C14orf39: variants seen among roughly 807,000 people sequenced by gnomAD.
The protein encoded by C14orf39 is protein SIX6OS1.
C14orf39 carries 66 observed loss-of-function variants against 85.6 expected under a neutral mutation model. The observed-to-expected ratio is 0.77, with a 90% confidence interval of 0.63 to 0.95. The LOEUF is 0.95. C14orf39 is among the 40% of genes least tolerant of loss of function. C14orf39 has a pLI of 0.00. For missense variants in C14orf39, 735 were observed against 663.9 expected (o/e 1.11, Z -1.18); for synonymous variants, 242 against 214.0 (o/e 1.13, Z -1.14).
At position 60,500,305 on chromosome 14, in the gene C14orf39, G is replaced by T. The variant is rs557276954; in HGVS notation, c.-143-875C>A. The stretch of plus-strand genomic sequence containing the variant: ...GCCTCCCAAAGTGCTGGGATTACAG[G>T]TGTCAGCCACCACGCCTGGCTGGGA... On this transcript the variant is annotated intron_variant, in intron 1 of 5. Coordinates refer to the C14orf39 transcript ENST00000556799. Among the ~76,000 whole-genome samples, 4 of 152,350 alleles carry T rather than the reference G, an allele frequency of 2.6e-5. No individual in the cohort carries two copies. The South Asian group carries it at 6.2e-4, about 24-fold the overall frequency.
chr14:60,472,289 T>G (rs1456121953), intron 5 of C14orf39, among the ~76,000 whole-genome samples: 1 of 152,102 alleles, frequency 6.6e-6, no homozygotes, highest in African/African-American at 2.4e-5. Flanking sequence ...TGAAGAAAAT[T>G]TTATCACAGT....
At chr14:60,496,241 G>A in intron 2 of C14orf39, 1 of 404,480 alleles carries the variant, frequency 2.5e-6, no homozygotes, top group African/African-American at 2.0e-5. Context: ...TGGATCTGCT[G>A]TAGCTGCTGC....
At position 60,452,461 on chromosome 14, in the gene C14orf39, GAGAT is replaced by G. The variant is rs374457305; in HGVS notation, c.1503+2536_1503+2539del. Among the ~76,000 whole-genome samples the G allele has an allele frequency of 9.9e-4, 150 of 151,994 alleles. 1 individual carries two copies. The highest frequency in any genetic ancestry group is 3.4e-3 in the African/African-American group (142 of 41,468). Reference sequence around the variant, plus strand: ...AAAAATAAGAACAATTGAACTCATGGAGATAGAGAGTAGAAAGATGATTACCAGA... The same window carrying G: ...AAAAATAAGAACAATTGAACTCATGGAGAGAGTAGAAAGATGATTACCAGA... On this transcript the variant is annotated intron_variant, in intron 16 of 17. Transcript: ENST00000321731.
At chr14:60,501,068 G>A (rs537610647) in intron 1 of C14orf39, among the ~76,000 whole-genome samples, 27 of 152,098 alleles carry the variant, frequency 1.8e-4, no homozygotes, top group Non-Finnish European at 2.9e-4. Flanking sequence ...TCTAGGGCCA[G>A]GTGAAGGAGG....
chr14:60,485,865 C>G (rs1892867172), intron 1 of C14orf39, 80 bp downstream of exon 1: 1 of 152,628 alleles, frequency 6.6e-6, no homozygotes, highest in African/African-American at 2.4e-5. Context: ...AGCCAGCCCC[C>G]TCCCACCCAC....
At chr14:60,479,875 T>G (rs1179429636) in intron 4 of C14orf39, among the ~76,000 whole-genome samples, 1 of 152,180 alleles carries the variant, frequency 6.6e-6, no homozygotes, top group Non-Finnish European at 1.5e-5. Context: ...AGTTCCCTAA[T>G]GCTGAACATT....
chr14:60,504,742 G>C (rs1893183383), intron 1 of C14orf39, among the ~76,000 whole-genome samples: 1 of 152,300 alleles, frequency 6.6e-6, no homozygotes, highest in Admixed American at 6.5e-5. Flanking sequence ...AAGTAGACAA[G>C]AGAAAAATGA....
At chr14:60,454,437 G>A (rs1290703467) in intron 16 of C14orf39, among the ~76,000 whole-genome samples, 1 of 151,846 alleles carries the variant, frequency 6.6e-6, no homozygotes, top group Non-Finnish European at 1.5e-5. Flanking sequence ...TCCCACATCT[G>A]GTACACACCT....
At chr14:60,481,327 T>C (rs1018019091) in intron 4 of C14orf39, among the ~76,000 whole-genome samples, 14 of 152,306 alleles carry the variant, frequency 9.2e-5, no homozygotes, top group African/African-American at 3.4e-4. Context: ...TCTATTTCCT[T>C]ATGAAAAATT....
At chr14:60,501,596 CAGTT>C (rs1383079330) in intron 1 of C14orf39, among the ~76,000 whole-genome samples, 3 of 152,166 alleles carry the variant, frequency 2.0e-5, no homozygotes, top group Non-Finnish European at 1.5e-5. Flanking sequence ...TTAAGCCACT[CAGTT>C]TGTGGCAATT....
chr14:60,501,011 ATG>A (rs568727295), intron 1 of C14orf39, among the ~76,000 whole-genome samples: 160 of 149,168 alleles, frequency 1.1e-3, no homozygotes, highest in Admixed American at 2.8e-3. Flanking sequence ...ACATGTAGGT[ATG>A]TGTGTGTGTG....
chr14:60,454,449 A>C (rs765319091), intron 16 of C14orf39, among the ~76,000 whole-genome samples: 2 of 152,008 alleles, frequency 1.3e-5, no homozygotes, highest in Non-Finnish European at 2.9e-5. Flanking sequence ...TACACACCTA[A>C]GTAGTCTGGC....
Position 60,484,946 on chromosome 14 carries a change from A to C in C14orf39, c.50-9T>G. ...TTGCTCATACTGGAAGACTAAAATA[A>C]ATAATTATCTTGTGACTTCAATTCA... On this transcript the variant is annotated splice_polypyrimidine_tract_variant and intron_variant, in intron 2 of 17. Transcript: ENST00000321731. This position sits in a 1 kb window ranked among gnomAD's most constrained non-coding sequence, Gnocchi z 4.2. The C allele has an allele frequency of 6.3e-7, 1 of 1,575,472 alleles. No homozygotes were observed. Among genetic ancestry groups the C allele is most frequent in the East Asian group, 2.2e-5 (1 of 44,658 alleles).
chr14:60,493,765 C>G (rs929395122), intron 2 of C14orf39: 2 of 152,006 alleles, frequency 1.3e-5, no homozygotes, highest in South Asian at 2.1e-4. Flanking sequence ...GAAAAGGAGA[C>G]GAGTTTCTTA....
rs560398650 is a variant in C14orf39 at position 60,469,587 on chromosome 14, G to A, written c.621C>T (p.Ser207=). ...KHASNLTKSS[S]ELKKEVDEME... Reference sequence around the variant, plus strand: ...TTTCATCTACTTCTTTCTTCAATTCGGATGAACTTTTGGTAAGATTGCTGG... The same window carrying A: ...TTTCATCTACTTCTTTCTTCAATTCAGATGAACTTTTGGTAAGATTGCTGG... Residue 207 remains serine (S), a synonymous_variant, in exon 8 of 18, where the codon TCC becomes TCT. Coordinates refer to ENST00000321731, the MANE Select transcript of C14orf39 (RefSeq NM_174978.3). 11 of 1,508,024 alleles carry A rather than the reference G, an allele frequency of 7.3e-6. No homozygotes were observed. Among genetic ancestry groups the A allele is most frequent in the Middle Eastern group, 1.8e-4 (1 of 5,640 alleles). The allele number at this position is 1,508,024 out of a possible 1,614,324, so 93.4% of individuals were successfully genotyped here.
chr14:60,473,870 T>G (rs1211621886), intron 5 of C14orf39, among the ~76,000 whole-genome samples: 3 of 152,222 alleles, frequency 2.0e-5, no homozygotes, highest in Non-Finnish European at 4.4e-5. Context: ...GGCTTAGGAT[T>G]GACTAGGCAA....
intron 5 of C14orf39, among the ~76,000 whole-genome samples, chr14:60,477,834 G>T (rs1362708033): frequency 6.6e-6 from 1 of 151,998 alleles, no homozygotes; most frequent in Non-Finnish European, 1.5e-5. Context: ...ACAACAAGTA[G>T]GTAGATGTTC....
intron 2 of C14orf39, chr14:60,494,129 C>A: frequency 3.1e-6 from 1 of 319,578 alleles, no homozygotes; most frequent in South Asian, 3.9e-5. Context: ...GGTCCACATT[C>A]ATCAAAGGGG....
intron 1 of C14orf39, among the ~76,000 whole-genome samples, chr14:60,501,275 C>T (rs1893142587): frequency 7.5e-6 from 1 of 132,916 alleles, no homozygotes; most frequent in Admixed American, 9.1e-5. Context: ...CACTGCACTC[C>T]ATCCTGGGCA....
Sources: gnomAD v4.1 joint callset for allele counts (sites outside exome capture counted in the v4.1 genomes callset) on GRCh38, gnomAD v4.1.1 for gene constraint, Gnocchi (gnomAD v3.1) non-coding constraint, MANE v1.5 for transcripts, NCBI Gene and HGNC (gene_info 2026-07-23, HGNC 2026-07-21) for gene names.